ATF7IP: variants seen among roughly 807,000 people sequenced by gnomAD.
ATF7IP encodes the protein activating transcription factor 7 interacting protein, also known as activating transcription factor 7-interacting protein 1.
A neutral mutation model predicts 106.4 loss-of-function variants in ATF7IP; 23 were observed. That is an observed-to-expected ratio of 0.22 (90% CI 0.16 to 0.31). ATF7IP has a LOEUF of 0.31. Among genes scored for constraint, ATF7IP ranks in the 10% least tolerant of loss-of-function variants. The probability of loss-of-function intolerance (pLI) is 1.00; values close to 1 mark genes in which losing one functional copy is unlikely to be tolerated. For missense variants in ATF7IP, 1,334 were observed against 1,524.3 expected (o/e 0.88, Z 2.08); for synonymous variants, 542 against 539.0 (o/e 1.01, Z -0.08).
At chr12:14,472,478 G>A (rs1944087187) in intron 10 of ATF7IP, among the ~76,000 whole-genome samples, 1 of 152,138 alleles carries the variant, frequency 6.6e-6, no homozygotes, top group African/African-American at 2.4e-5. Context: ...GTGTAGGGAT[G>A]TAGGTATATA....
chr12:14,501,015 A>G lies in ATF7IP; in HGVS notation c.*2942A>G, dbSNP rs973604462. The G allele has an allele frequency of 6.6e-6, 1 of 152,172 alleles. No individual in the cohort carries two copies. The highest frequency in any genetic ancestry group is 2.4e-5 in the African/African-American group (1 of 41,462). The allele number at this position is 152,172 out of a possible 1,614,324, so 9.4% of individuals were successfully genotyped here. ...ACCATGGCACGTAGGGGCAGCAGCT[A>G]TATTAGATTTACTAGAGGTGCTAAG... On this transcript the variant is annotated 3_prime_UTR_variant, in exon 15 of 15. Transcript: ENST00000261168.
chr12:14,430,318 G>A (rs1942054757), intron 2 of ATF7IP, among the ~76,000 whole-genome samples: 3 of 152,210 alleles, frequency 2.0e-5, no homozygotes, highest in Admixed American at 2.0e-4. Context: ...GATCATTGGT[G>A]ACTTTTACCA....
intron 12 of ATF7IP, among the ~76,000 whole-genome samples, chr12:14,478,943 A>T (rs1159914580): frequency 1.3e-5 from 2 of 152,156 alleles, no homozygotes; most frequent in Non-Finnish European, 2.9e-5. Context: ...TATAATGTAA[A>T]TCTCCAAGAA....
chr12:14,491,284 A>G (rs955094995), intron 13 of ATF7IP, among the ~76,000 whole-genome samples: 2 of 152,210 alleles, frequency 1.3e-5, no homozygotes, highest in Non-Finnish European at 2.9e-5. Flanking sequence ...GTTGCCTCCA[A>G]CATCCAAATA....
chr12:14,452,639 G>A (rs1436265622), intron 6 of ATF7IP, among the ~76,000 whole-genome samples: 3 of 152,036 alleles, frequency 2.0e-5, no homozygotes, highest in Non-Finnish European at 4.4e-5. Flanking sequence ...ATGACTTGAT[G>A]TTACTGTTGT....
At chr12:14,476,889 G>C (rs1373310695) in intron 11 of ATF7IP, among the ~76,000 whole-genome samples, 1 of 152,146 alleles carries the variant, frequency 6.6e-6, no homozygotes, top group Non-Finnish European at 1.5e-5. Flanking sequence ...AGTGTTAATA[G>C]GTGTTTCATG....
intron 1 of ATF7IP, among the ~76,000 whole-genome samples, chr12:14,406,713 G>A (rs1483310950): frequency 1.4e-5 from 2 of 139,270 alleles, no homozygotes; most frequent in African/African-American, 5.4e-5. Flanking sequence ...TGCCCAGGCT[G>A]TAGTGCAATG....
chr12:14,410,949 G>A (rs1294880601), intron 1 of ATF7IP, among the ~76,000 whole-genome samples: 1 of 152,128 alleles, frequency 6.6e-6, no homozygotes, highest in Non-Finnish European at 1.5e-5. Flanking sequence ...GTAGTAGCAT[G>A]TACAGTACTT....
chr12:14,466,345 T>C, intron 9 of ATF7IP, 181 bp from the exon 10 acceptor site: 1 of 600,798 alleles, frequency 1.7e-6, no homozygotes, highest in Non-Finnish European at 2.9e-6. Flanking sequence ...ATCTGTATAG[T>C]AATCTGTATG....
intron 5 of ATF7IP, among the ~76,000 whole-genome samples, chr12:14,443,324 A>G (rs1276493323): frequency 6.6e-6 from 1 of 152,260 alleles, no homozygotes; most frequent in East Asian, 1.9e-4. Flanking sequence ...GTATGGAGAA[A>G]GATGAGACTT....
chr12:14,452,837 A>C (rs1000281448), intron 6 of ATF7IP, among the ~76,000 whole-genome samples: 1 of 152,120 alleles, frequency 6.6e-6, no homozygotes. Flanking sequence ...CATGATGCAT[A>C]CACTCTTTAG....
At chr12:14,487,069 A>T (rs1270938032) in intron 13 of ATF7IP, among the ~76,000 whole-genome samples, 6 of 152,232 alleles carry the variant, frequency 3.9e-5, no homozygotes, top group Non-Finnish European at 5.9e-5. Context: ...GCTCACTCAC[A>T]GTGTGCCATC....
At chr12:14,426,852 G>GAAAAAAAAAAA in intron 2 of ATF7IP, among the ~76,000 whole-genome samples, 1 of 9,164 alleles carries the variant, frequency 1.1e-4, no homozygotes, top group South Asian at 3.7e-3. Flanking sequence ...AAAAAAAAAG[G>GAAAAAAAAAAA]ATGGCTTTTT....
chr12:14,370,633 A>G lies in ATF7IP; in HGVS notation c.-8+4806A>G, dbSNP rs116560418. Reference sequence around the variant, plus strand: ...TTCATCGGTATTACACACTTCCTGTAGACTACCAAAAAGCACTATTTCCTA... The same window carrying G: ...TTCATCGGTATTACACACTTCCTGTGGACTACCAAAAAGCACTATTTCCTA... On this transcript the variant is annotated intron_variant, in intron 1 of 14. Transcript: ENST00000261168. 4.3e-3 allele frequency among the ~76,000 whole-genome samples: 659 copies of G among 152,292 alleles called. 4 individuals carry two copies. The highest frequency in any genetic ancestry group is 0.015 in the African/African-American group (633 of 41,564).
chr12:14,436,699 T>TAATA (rs1170263686), intron 4 of ATF7IP, among the ~76,000 whole-genome samples: 37 of 151,692 alleles, frequency 2.4e-4, no homozygotes, highest in Admixed American at 1.6e-3. Context: ...CTCAAAAAAA[T>TAATA]AATAAATAAA....
chr12:14,396,849 TCAAAA>T (rs1939876548), intron 1 of ATF7IP, among the ~76,000 whole-genome samples: 1 of 151,948 alleles, frequency 6.6e-6, no homozygotes, highest in Non-Finnish European at 1.5e-5. Flanking sequence ...ACATAGACAA[TCAAAA>T]CAAAGATAAA....
At chr12:14,378,196 C>T (rs1938841035) in intron 1 of ATF7IP, among the ~76,000 whole-genome samples, 1 of 149,602 alleles carries the variant, frequency 6.7e-6, no homozygotes, top group Non-Finnish European at 1.5e-5. Flanking sequence ...CTTCAGGGTT[C>T]AAGCGATTCT....
intron 5 of ATF7IP, among the ~76,000 whole-genome samples, chr12:14,441,621 C>T (rs1053866922): frequency 1.3e-5 from 2 of 151,706 alleles, no homozygotes; most frequent in African/African-American, 4.8e-5. Flanking sequence ...TCCCGAGCAG[C>T]TGGGACTACA....
At chr12:14,406,668 T>G (rs1363823963) in intron 1 of ATF7IP, among the ~76,000 whole-genome samples, 3 of 149,240 alleles carry the variant, frequency 2.0e-5, no homozygotes, top group African/African-American at 7.3e-5. Flanking sequence ...TTTATGGGTT[T>G]TTTTTTTTTT....
Sources: gnomAD v4.1 joint callset for allele counts (sites outside exome capture counted in the v4.1 genomes callset) on GRCh38, gnomAD v4.1.1 for gene constraint, MANE v1.5 for transcripts, NCBI Gene and HGNC (gene_info 2026-07-23, HGNC 2026-07-21) for gene names.